The following EREG variants were observed in gnomAD, a reference collection of about 807,000 sequenced individuals.
EREG encodes the protein epiregulin.
A neutral mutation model predicts 22.4 loss-of-function variants in EREG; 23 were observed. The observed-to-expected ratio is 1.03, with a 90% confidence interval of 0.74 to 1.46. EREG has a LOEUF of 1.46. Among genes scored for constraint, EREG ranks in the 40% most tolerant of loss-of-function variants. The pLI is 0.00. For synonymous variants in EREG, 100 were observed against 75.4 expected, an observed-to-expected ratio of 1.33 and a Z score of -1.69; for missense variants, 226 against 205.9, an observed-to-expected ratio of 1.10 and a Z score of -0.60.
chr4:74,373,323 A>G (rs1752324971), intron 1 of EREG, among the ~76,000 whole-genome samples: 4 of 152,118 alleles, frequency 2.6e-5, no homozygotes, highest in Admixed American at 2.0e-4. Flanking sequence ...ATTGGAAAGT[A>G]TAACTTAATG....
At chr4:74,375,485 A>AT (rs34399498) in intron 1 of EREG, among the ~76,000 whole-genome samples, 7,277 of 133,044 alleles carry the variant, frequency 0.055, 296 homozygotes, top group African/African-American at 0.11. Flanking sequence ...TGCCTGGCTA[A>AT]TTTTTTTTTT....
chr4:74,383,122 C>G (rs1752507124), intron 4 of EREG, among the ~76,000 whole-genome samples: 1 of 152,190 alleles, frequency 6.6e-6, no homozygotes, highest in African/African-American at 2.4e-5. Context: ...AGCTCTGATA[C>G]TTATTACCTA....
chr4:74,377,900 C>G (rs902518794), intron 1 of EREG, among the ~76,000 whole-genome samples: 2 of 152,170 alleles, frequency 1.3e-5, no homozygotes, highest in South Asian at 2.1e-4. Flanking sequence ...GGGTCCCTCT[C>G]TCAATACATG....
At position 74,385,219 on chromosome 4, in the gene EREG, G is replaced by A. The variant is rs1051070720; in HGVS notation, c.*411G>A. 6 of 156,888 alleles carry A rather than the reference G, an allele frequency of 3.8e-5. No individual in the cohort carries two copies. Among genetic ancestry groups the A allele is most frequent in the African/African-American group, 1.4e-4 (6 of 41,572 alleles). The allele number at this position is 156,888 out of a possible 1,614,324, so 9.7% of individuals were successfully genotyped here. ...TATGTTTTTTATGTTCCTCAAATCA[G>A]TGATAATTGGTTTGACTGTACCATG... is the stretch of plus-strand genomic sequence containing the variant. On this transcript the variant is annotated 3_prime_UTR_variant, in exon 5 of 5. Coordinates refer to ENST00000244869, the MANE Select transcript of EREG (RefSeq NM_001432.3).
At chr4:74,372,525 G>C (rs956492301) in intron 1 of EREG, among the ~76,000 whole-genome samples, 1 of 152,202 alleles carries the variant, frequency 6.6e-6, no homozygotes, top group African/African-American at 2.4e-5. Flanking sequence ...AGTCCAAACT[G>C]TTGCGCCTTC....
chr4:74,385,970 G>A lies in EREG; in HGVS notation c.*1162G>A. On this transcript the variant is annotated 3_prime_UTR_variant, in exon 5 of 5. Transcript: ENST00000244869. ...TCCAAATGAAAAATCTCAATTGAAA[G>A]CTTTTAAAATGTAGAAACTTAAACA... 1 of 385,318 alleles carries A rather than the reference G, an allele frequency of 2.6e-6. No individual in the cohort carries two copies. The allele number at this position is 385,318 out of a possible 1,614,324, so 23.9% of individuals were successfully genotyped here.
At chr4:74,380,980 G>A in intron 2 of EREG, 34 bp from the exon 3 acceptor site, 1 of 1,604,196 alleles carries the variant, frequency 6.2e-7, no homozygotes. Flanking sequence ...CATGAAGGCT[G>A]CAGAATATAT....
intron 1 of EREG, among the ~76,000 whole-genome samples, chr4:74,373,507 C>T (rs1007956201): frequency 1.3e-5 from 2 of 151,176 alleles, no homozygotes; most frequent in African/African-American, 4.9e-5. Context: ...TACCTTAGGT[C>T]TTAATGAAGT....
rs901134794 is a variant in EREG at position 74,386,714 on chromosome 4, G to A, written c.*1906G>A. On this transcript the variant is annotated 3_prime_UTR_variant, in exon 5 of 5. Transcript: ENST00000244869. ...CTCTGTGGTTAGTTCCACATCTGTG[G>A]ATTCAACCAACCAAGGACGGAAAAT... 5.9e-5 allele frequency: 9 copies of A among 151,994 alleles called. No homozygotes were observed. The highest frequency in any genetic ancestry group is 4.6e-4 in the Admixed American group (7 of 15,256). The allele number at this position is 151,994 out of a possible 1,614,324, so 9.4% of individuals were successfully genotyped here.
At position 74,386,796 on chromosome 4, in the gene EREG, T is replaced by C. The variant is rs981007044; in HGVS notation, c.*1988T>C. The C allele has an allele frequency of 6.6e-6, 1 of 152,148 alleles. No individual in the cohort carries two copies. The highest frequency in any genetic ancestry group is 1.5e-5 in the Non-Finnish European group (1 of 68,038). 9.4% of individuals were successfully genotyped at this position (152,148 alleles called of 1,614,324 possible). ...TACATTATAACAACTATTTACTTTT[T>C]TTTTTTTCTTTTTGAGATGGAGTCT... On this transcript the variant is annotated 3_prime_UTR_variant, in exon 5 of 5. Transcript: ENST00000244869.
At chr4:74,369,708 T>G (rs1473167538) in intron 1 of EREG, among the ~76,000 whole-genome samples, 2 of 152,124 alleles carry the variant, frequency 1.3e-5, no homozygotes, top group Admixed American at 1.3e-4. Flanking sequence ...AGTTTTATAG[T>G]CTTGAACTAA....
chr4:74,372,083 G>C (rs943068727), intron 1 of EREG, among the ~76,000 whole-genome samples: 3 of 152,118 alleles, frequency 2.0e-5, no homozygotes, highest in Admixed American at 2.0e-4. Flanking sequence ...AGCAAGGATG[G>C]GGTAAGCTGC....
At chr4:74,373,778 A>T (rs1752333735) in intron 1 of EREG, among the ~76,000 whole-genome samples, 1 of 151,662 alleles carries the variant, frequency 6.6e-6, no homozygotes, top group Non-Finnish European at 1.5e-5. Context: ...ACACACATAT[A>T]TATACTCTCT....
At chr4:74,377,341 C>T (rs1191132942) in intron 1 of EREG, among the ~76,000 whole-genome samples, 1 of 152,098 alleles carries the variant, frequency 6.6e-6, no homozygotes, top group Non-Finnish European at 1.5e-5. Flanking sequence ...AAATACTCTA[C>T]TTCAATTACA....
chr4:74,372,909 G>A (rs1009227692), intron 1 of EREG, among the ~76,000 whole-genome samples: 8 of 140,272 alleles, frequency 5.7e-5, no homozygotes, highest in Non-Finnish European at 1.1e-4. Context: ...CCGGGTTCAC[G>A]CCATTCTCCT....
At chr4:74,378,187 T>C (rs1752413938) in intron 1 of EREG, among the ~76,000 whole-genome samples, 1 of 152,194 alleles carries the variant, frequency 6.6e-6, no homozygotes, top group African/African-American at 2.4e-5. Context: ...CTATTCCTTC[T>C]CATATTAGAT....
At chr4:74,381,372 C>A in intron 3 of EREG, 1 of 373,824 alleles carries the variant, frequency 2.7e-6, no homozygotes, top group East Asian at 4.5e-5. Flanking sequence ...CTCTCTATGA[C>A]CATGTGTACA....
rs867350602 is a variant in EREG at position 74,385,616 on chromosome 4, A to G, written c.*808A>G. On this transcript the variant is annotated 3_prime_UTR_variant, in exon 5 of 5. Transcript: ENST00000244869. ...TGAGGTAATTATTGCTCAACAGACAATTAGAAAAAAGTCCACACTTGAAGC... is the reference window on the plus strand; with the variant it reads ...TGAGGTAATTATTGCTCAACAGACAGTTAGAAAAAAGTCCACACTTGAAGC... The G allele has an allele frequency of 9.2e-6, 3 of 326,398 alleles. No individual in the cohort carries two copies. Among genetic ancestry groups the G allele is most frequent in the Non-Finnish European group, 1.1e-5 (2 of 181,324 alleles). 20.2% of individuals were successfully genotyped at this position (326,398 alleles called of 1,614,324 possible). A position where few individuals can be genotyped will look rare whatever the true frequency, so the allele number is the denominator to read the frequency against.
chr4:74,372,112 G>T (rs894069978), intron 1 of EREG, among the ~76,000 whole-genome samples: 3 of 152,132 alleles, frequency 2.0e-5, no homozygotes, highest in Non-Finnish European at 4.4e-5. Flanking sequence ...TTGATGATTG[G>T]ATTGTAACTA....
Sources: allele counts gnomAD v4.1 joint callset (sites outside exome capture counted in the v4.1 genomes callset), GRCh38; gene constraint gnomAD v4.1.1; transcripts MANE v1.5; gene names NCBI Gene and HGNC (gene_info 2026-07-23, HGNC 2026-07-21).